Variants in ANKRD30B observed in about 807,000 individuals in gnomAD.
ANKRD30B encodes ankyrin repeat domain 30B, also known as ankyrin repeat domain-containing protein 30B.
ANKRD30B carries 144 observed loss-of-function variants against 202.2 expected under a neutral mutation model. The observed-to-expected ratio is 0.71, with a 90% confidence interval of 0.62 to 0.82. The LOEUF (loss-of-function observed/expected upper bound fraction) is 0.82. Among genes scored for constraint, ANKRD30B ranks in the 40% least tolerant of loss-of-function variants. The pLI is 0.00. For missense variants in ANKRD30B, 1,487 were observed against 1,669.1 expected (o/e 0.89, Z 1.90); for synonymous variants, 508 against 561.3 (o/e 0.91, Z 1.34).
the ANKRD30B span, among the ~76,000 whole-genome samples, chr18:14,931,970 C>CCGGCT: frequency 2.5e-3 from 15 of 5,978 alleles, 2 homozygotes; most frequent in Non-Finnish European, 5.7e-3. Context: ...CTTCCTCCCT[C>CCGGCT]CTGTACTGTC....
intron 33 of ANKRD30B, among the ~76,000 whole-genome samples, chr18:14,830,547 C>T (rs1970868359): frequency 1.3e-5 from 2 of 152,090 alleles, no homozygotes; most frequent in Non-Finnish European, 2.9e-5. Context: ...AGCAACAAGG[C>T]CTTTTTAAGT....
the ANKRD30B span, among the ~76,000 whole-genome samples, chr18:14,933,668 G>T: frequency 8.5e-5 from 13 of 152,228 alleles, no homozygotes; most frequent in Middle Eastern, 3.4e-3. Flanking sequence ...GCGTGCAAGC[G>T]GGTGTGCTTG....
At chr18:14,901,341 AT>A in the ANKRD30B span, among the ~76,000 whole-genome samples, 1 of 152,232 alleles carries the variant, frequency 6.6e-6, no homozygotes, top group Admixed American at 6.5e-5. Flanking sequence ...GTTTTTGATA[AT>A]TTTGGAGATT....
the ANKRD30B span, among the ~76,000 whole-genome samples, chr18:14,913,233 A>G: frequency 6.6e-6 from 1 of 152,220 alleles, no homozygotes; most frequent in Non-Finnish European, 1.5e-5. Flanking sequence ...TTAGTTACCC[A>G]GGGTTAGCTA....
intron 15 of ANKRD30B, among the ~76,000 whole-genome samples, chr18:14,788,356 C>T (rs1968225738): frequency 6.6e-6 from 1 of 151,994 alleles, no homozygotes; most frequent in South Asian, 2.1e-4. Context: ...TAAAGATAAG[C>T]TTGATGTAGA....
downstream of ANKRD30B, among the ~76,000 whole-genome samples, chr18:14,855,894 G>A (rs1447640054): frequency 9.9e-5 from 15 of 151,222 alleles, no homozygotes; most frequent in African/African-American, 1.5e-4. Context: ...TCCCAGACGG[G>A]GCGGCTGGGC....
In ANKRD30B at chr18:14,797,774, C is replaced by A. The variant is rs1290258732; in HGVS notation, c.1957-8C>A. 4 of 1,570,970 alleles carry A rather than the reference C, an allele frequency of 2.5e-6. No homozygotes were observed. Among genetic ancestry groups the A allele is most frequent in the Non-Finnish European group, 3.5e-6 (4 of 1,157,228 alleles). ...TATATTAATTTTTGTGTTTCCGAAC[C>A]CATTTAGCCTACCTGTGGAAGGAAA... On this transcript the variant is annotated splice_polypyrimidine_tract_variant and splice_region_variant and intron_variant, in intron 19 of 43. Transcript: ENST00000690538.
chr18:14,819,879 G>T (rs1236663204), intron 30 of ANKRD30B, among the ~76,000 whole-genome samples: 2 of 152,114 alleles, frequency 1.3e-5, no homozygotes, highest in African/African-American at 4.8e-5. Context: ...CTTTAAAGTA[G>T]TTTTTTCCAA....
At chr18:14,867,194 G>A in the ANKRD30B span, among the ~76,000 whole-genome samples, 1 of 151,180 alleles carries the variant, frequency 6.6e-6, no homozygotes, top group Admixed American at 6.6e-5. Flanking sequence ...GGCAGGGATG[G>A]GTTGTGGACA....
chr18:14,889,852 G>A, the ANKRD30B span: 5 of 411,128 alleles, frequency 1.2e-5, no homozygotes, highest in African/African-American at 1.0e-4. Flanking sequence ...TAACGTTTGA[G>A]TATAAAGTGT....
At chr18:14,779,221 A>T (rs748048413) in intron 10 of ANKRD30B, among the ~76,000 whole-genome samples, 1 of 152,188 alleles carries the variant, frequency 6.6e-6, no homozygotes, top group Non-Finnish European at 1.5e-5. Context: ...CATGGCTCTC[A>T]GTACTCCTTG....
intron 18 of ANKRD30B, among the ~76,000 whole-genome samples, 200 bp from the exon 19 acceptor site, chr18:14,797,461 T>C (rs9748651): frequency 1.1e-4 from 17 of 152,204 alleles, no homozygotes; most frequent in Non-Finnish European, 2.2e-4. Context: ...TTGCATCTTT[T>C]ATTCCATAGC....
intron 1 of ANKRD30B, 92 bp downstream of exon 1, chr18:14,748,732 C>A (rs1320131014): frequency 5.4e-6 from 7 of 1,287,456 alleles, no homozygotes; most frequent in Non-Finnish European, 5.2e-6. Context: ...GTCCTGGGGA[C>A]GAGGGGAGCA....
chr18:14,873,113 G>T, the ANKRD30B span, among the ~76,000 whole-genome samples: 4 of 152,220 alleles, frequency 2.6e-5, no homozygotes, highest in South Asian at 8.3e-4. Flanking sequence ...AACGTAGGAA[G>T]AGAGCCTCAG....
the ANKRD30B span, among the ~76,000 whole-genome samples, chr18:14,930,328 G>T: frequency 1.9e-4 from 29 of 151,848 alleles, no homozygotes; most frequent in Non-Finnish European, 3.8e-4. Context: ...CCGCACAAGG[G>T]CAGGGCAGTG....
chr18:14,934,908 C>CCACACACA, the ANKRD30B span, among the ~76,000 whole-genome samples: 468 of 134,676 alleles, frequency 3.5e-3, 2 homozygotes, highest in South Asian at 0.013. Flanking sequence ...CCTCCCTCTA[C>CCACACACA]CACACACACA....
At chr18:14,819,933 A>C (rs1263825111) in intron 30 of ANKRD30B, among the ~76,000 whole-genome samples, 1 of 152,126 alleles carries the variant, frequency 6.6e-6, no homozygotes, top group Admixed American at 6.5e-5. Flanking sequence ...GATGGCATTG[A>C]ATCTGTAAAT....
chr18:14,908,867 A>T, the ANKRD30B span, among the ~76,000 whole-genome samples: 3 of 152,184 alleles, frequency 2.0e-5, no homozygotes, highest in African/African-American at 7.2e-5. Flanking sequence ...AAATATCCAC[A>T]GGAATATTGC....
chr18:14,804,768 A>T (rs1317484940), intron 24 of ANKRD30B, among the ~76,000 whole-genome samples: 1 of 150,986 alleles, frequency 6.6e-6, no homozygotes, highest in African/African-American at 2.4e-5. Flanking sequence ...TATACAAAGA[A>T]AAAGGAAAGA....
Sources: allele counts gnomAD v4.1 joint callset (sites outside exome capture counted in the v4.1 genomes callset), GRCh38; gene constraint gnomAD v4.1.1; transcripts MANE v1.5; gene names NCBI Gene and HGNC (gene_info 2026-07-23, HGNC 2026-07-21).